The following PARVA variants were observed in gnomAD, a reference collection of about 807,000 sequenced individuals.
PARVA encodes the protein alpha-parvin.
A neutral mutation model predicts 52.6 loss-of-function variants in PARVA; 25 were observed. The ratio of observed to expected loss-of-function variants is 0.48; its 90% confidence interval spans 0.35 to 0.66. The LOEUF is 0.66. Among genes scored for constraint, PARVA ranks in the 30% least tolerant of loss-of-function variants. The pLI is 0.01. For missense variants in PARVA, 373 were observed against 450.9 expected (o/e 0.83, Z 1.56); for synonymous variants, 185 against 179.1 (o/e 1.03, Z -0.26).
chr11:12,494,525 AC>A (rs1381434511), intron 4 of PARVA, among the ~76,000 whole-genome samples: 1 of 152,204 alleles, frequency 6.6e-6, no homozygotes, highest in Non-Finnish European at 1.5e-5. Flanking sequence ...GGAACTGGGG[AC>A]AAAACCCAAA....
At chr11:12,406,676 T>G (rs1939914398) in intron 1 of PARVA, among the ~76,000 whole-genome samples, 1 of 137,610 alleles carries the variant, frequency 7.3e-6, no homozygotes, top group Non-Finnish European at 1.6e-5. Context: ...TTTTTTTTTT[T>G]TTTTTTTTTT....
chr11:12,481,045 T>C (rs1446143399), intron 4 of PARVA, among the ~76,000 whole-genome samples: 2 of 151,940 alleles, frequency 1.3e-5, no homozygotes, highest in African/African-American at 2.4e-5. Context: ...GATTTCTTCA[T>C]TATAAAGTGA....
chr11:12,410,886 G>T (rs1718922097), intron 1 of PARVA, among the ~76,000 whole-genome samples: 1 of 152,216 alleles, frequency 6.6e-6, no homozygotes, highest in Non-Finnish European at 1.5e-5. Context: ...AGACAGACCT[G>T]GGTCCAAATG....
chr11:12,430,204 T>C (rs1323911808), intron 1 of PARVA, among the ~76,000 whole-genome samples: 2 of 152,224 alleles, frequency 1.3e-5, no homozygotes, highest in East Asian at 3.9e-4. Context: ...CATTGTGTAG[T>C]AGTACTTCTG....
intron 1 of PARVA, among the ~76,000 whole-genome samples, chr11:12,438,208 A>C (rs1940414744): frequency 6.6e-6 from 1 of 151,388 alleles, no homozygotes; most frequent in Non-Finnish European, 1.5e-5. Flanking sequence ...TACAGTGAGC[A>C]GAGATCGCGC....
At chr11:12,447,378 T>G (rs1185621718) in intron 1 of PARVA, among the ~76,000 whole-genome samples, 3 of 152,152 alleles carry the variant, frequency 2.0e-5, no homozygotes, top group African/African-American at 7.2e-5. Flanking sequence ...AGGGCTGGTG[T>G]GTAACTCACC....
chr11:12,498,863 C>T (rs1002447693), intron 5 of PARVA, among the ~76,000 whole-genome samples: 5 of 152,234 alleles, frequency 3.3e-5, no homozygotes, highest in African/African-American at 1.2e-4. Flanking sequence ...TGAGCCACTG[C>T]ACCTGGCCCA....
chr11:12,429,070 T>C (rs1940277846), intron 1 of PARVA, among the ~76,000 whole-genome samples: 1 of 152,146 alleles, frequency 6.6e-6, no homozygotes, highest in Non-Finnish European at 1.5e-5. Context: ...CTCGACCTCC[T>C]GGGCTCACGT....
chr11:12,439,865 C>A (rs929795520), intron 1 of PARVA, among the ~76,000 whole-genome samples: 2 of 152,214 alleles, frequency 1.3e-5, no homozygotes, highest in African/African-American at 4.8e-5. Context: ...TCCTTCACTC[C>A]AGCCTCTGTT....
intron 5 of PARVA, among the ~76,000 whole-genome samples, chr11:12,499,552 ATTC>A (rs1172136423): frequency 2.6e-5 from 4 of 151,604 alleles, no homozygotes. Context: ...TATGTCTTGT[ATTC>A]TTCTAAACAC....
intron 1 of PARVA, among the ~76,000 whole-genome samples, chr11:12,400,676 CT>C (rs960388837): frequency 1.3e-5 from 2 of 152,224 alleles, no homozygotes; most frequent in African/African-American, 4.8e-5. Context: ...CCTTCCGTCT[CT>C]TTTTTGTGAG....
chr11:12,448,175 T>A (rs1246357563), intron 1 of PARVA, among the ~76,000 whole-genome samples: 1 of 152,186 alleles, frequency 6.6e-6, no homozygotes, highest in Non-Finnish European at 1.5e-5. Flanking sequence ...TTTGGTCGTG[T>A]TGCAGCATGG....
chr11:12,430,658 C>T (rs1427740550), intron 1 of PARVA, among the ~76,000 whole-genome samples: 1 of 152,096 alleles, frequency 6.6e-6, no homozygotes, highest in African/African-American at 2.4e-5. Flanking sequence ...TTTACTAAGA[C>T]CTTTCCATCT....
chr11:12,435,744 T>A (rs1940378347), intron 1 of PARVA, among the ~76,000 whole-genome samples: 1 of 152,196 alleles, frequency 6.6e-6, no homozygotes, highest in African/African-American at 2.4e-5. Context: ...TCAACAGTTG[T>A]CTGATTTTGG....
At chr11:12,478,877 G>A (rs1941048991) in intron 4 of PARVA, 1 of 152,180 alleles carries the variant, frequency 6.6e-6, no homozygotes, top group Admixed American at 6.5e-5. Context: ...GTCCAGTCTT[G>A]CCTGTACTTA....
chr11:12,383,401 C>T (rs912571259), intron 1 of PARVA, among the ~76,000 whole-genome samples: 2 of 152,212 alleles, frequency 1.3e-5, no homozygotes, highest in African/African-American at 4.8e-5. Flanking sequence ...TCATTCCTGT[C>T]GTTTACCCAT....
intron 1 of PARVA, among the ~76,000 whole-genome samples, chr11:12,472,581 C>T (rs1022614387): frequency 3.3e-5 from 5 of 152,148 alleles, no homozygotes; most frequent in African/African-American, 1.2e-4. Context: ...AGTCCAACTG[C>T]AGCTATCAGT....
intron 1 of PARVA, among the ~76,000 whole-genome samples, chr11:12,419,000 G>T (rs1023403155): frequency 1.3e-5 from 2 of 152,170 alleles, no homozygotes; most frequent in African/African-American, 4.8e-5. Context: ...ACCATGAAGA[G>T]ATTGAATAAC....
At chr11:12,489,911 C>T (rs1040644948) in intron 4 of PARVA, among the ~76,000 whole-genome samples, 65 of 152,238 alleles carry the variant, frequency 4.3e-4, no homozygotes, top group African/African-American at 1.2e-3. Context: ...TTAGGAGAGG[C>T]GGCTTTAAAA....
Sources: allele counts gnomAD v4.1 joint callset (sites outside exome capture counted in the v4.1 genomes callset), GRCh38; gene constraint gnomAD v4.1.1; transcripts MANE v1.5; gene names NCBI Gene and HGNC (gene_info 2026-07-23, HGNC 2026-07-21).